The following ARHGAP24 variants were observed in gnomAD, a reference collection of about 807,000 sequenced individuals.
ARHGAP24 encodes Rho GTPase activating protein 24, also known as rho GTPase-activating protein 24.
A neutral mutation model predicts 76.4 loss-of-function variants in ARHGAP24; 50 were observed. That is an observed-to-expected ratio of 0.65 (90% confidence interval 0.52 to 0.83). The LOEUF (loss-of-function observed/expected upper bound fraction) is 0.83, where lower values mean the gene tolerates loss of function less well. Among genes scored for constraint, ARHGAP24 ranks in the 40% least tolerant of loss-of-function variants. The pLI is 0.00. For synonymous variants in ARHGAP24, 345 were observed against 323.3 expected, an observed-to-expected ratio of 1.07 and a Z score of -0.72; for missense variants, 930 against 914.2, an observed-to-expected ratio of 1.02 and a Z score of -0.22.
chr4:85,946,792 A>G (rs966765473), intron 5 of ARHGAP24, among the ~76,000 whole-genome samples: 4 of 152,210 alleles, frequency 2.6e-5, no homozygotes, highest in Non-Finnish European at 5.9e-5. Flanking sequence ...AAATGAACAT[A>G]TAGGTGTATG....
intron 5 of ARHGAP24, among the ~76,000 whole-genome samples, chr4:85,944,706 C>T (rs796495373): frequency 5.9e-5 from 9 of 152,268 alleles, no homozygotes; most frequent in South Asian, 2.1e-4. Flanking sequence ...AAGCCCAACG[C>T]GTGACCGTGG....
intron 5 of ARHGAP24, among the ~76,000 whole-genome samples, chr4:85,960,721 T>A (rs1308165910): frequency 6.6e-6 from 1 of 152,148 alleles, no homozygotes; most frequent in East Asian, 1.9e-4. Context: ...TTGAAAATTA[T>A]CATGTTGCAA....
chr4:85,556,805 G>C (rs1726393525), intron 1 of ARHGAP24, among the ~76,000 whole-genome samples: 2 of 152,192 alleles, frequency 1.3e-5, no homozygotes, highest in African/African-American at 4.8e-5. Context: ...ATAGGAGCAA[G>C]GGCTGCAGGA....
At chr4:85,638,159 G>A (rs749991090) in intron 2 of ARHGAP24, among the ~76,000 whole-genome samples, 1 of 152,092 alleles carries the variant, frequency 6.6e-6, no homozygotes, top group Admixed American at 6.6e-5. Context: ...CTGTACGTCA[G>A]CCCTGATTTA....
At chr4:85,895,898 G>A (rs1334286552) in intron 3 of ARHGAP24, among the ~76,000 whole-genome samples, 1 of 152,170 alleles carries the variant, frequency 6.6e-6, no homozygotes, top group Non-Finnish European at 1.5e-5. Flanking sequence ...AAACCTGTCT[G>A]AAAGATTTAT....
At chr4:85,846,148 G>C (rs1307978883) in intron 3 of ARHGAP24, among the ~76,000 whole-genome samples, 6 of 151,908 alleles carry the variant, frequency 3.9e-5, no homozygotes. Flanking sequence ...CAGGTGATCC[G>C]CCCGCCTCGG....
chr4:85,666,602 A>C (rs1309515372), intron 2 of ARHGAP24, among the ~76,000 whole-genome samples: 1 of 152,050 alleles, frequency 6.6e-6, no homozygotes, highest in Non-Finnish European at 1.5e-5. Flanking sequence ...TTTTCTGCTC[A>C]GTTTTTTCCC....
At chr4:85,641,025 A>T (rs116357523) in intron 2 of ARHGAP24, among the ~76,000 whole-genome samples, 3,794 of 152,196 alleles carry the variant, frequency 0.025, 152 homozygotes, top group African/African-American at 0.084. Context: ...AAATTTACTT[A>T]AGTTATTAAA....
At chr4:85,496,708 G>A (rs1723598003) in intron 1 of ARHGAP24, among the ~76,000 whole-genome samples, 1 of 152,162 alleles carries the variant, frequency 6.6e-6, no homozygotes, top group East Asian at 1.9e-4. Flanking sequence ...CAGAGTCTTA[G>A]GTGCCCCATA....
chr4:85,974,078 G>A lies in ARHGAP24; in HGVS notation c.733-810G>A, dbSNP rs192295720. ...TCACCTTGTTAGCCAGGATGGTCTC[G>A]ATCTCCTGACCCCGTGATCCACCTA... On this transcript the variant is annotated intron_variant, in intron 6 of 9. Coordinates refer to ENST00000395184, the MANE Select transcript of ARHGAP24 (RefSeq NM_001025616.3). Among the ~76,000 whole-genome samples, 213 of 147,766 alleles carry A rather than the reference G, an allele frequency of 1.4e-3. 1 individual carries two copies. The highest frequency in any genetic ancestry group is 0.011 in the Middle Eastern group (3 of 272).
intron 1 of ARHGAP24, among the ~76,000 whole-genome samples, chr4:85,548,645 A>T (rs1156950202): frequency 6.6e-6 from 1 of 152,210 alleles, no homozygotes; most frequent in African/African-American, 2.4e-5. Context: ...ACTAACTAGA[A>T]TTCAACTTTT....
chr4:85,759,003 A>G (rs1463263278), intron 3 of ARHGAP24, among the ~76,000 whole-genome samples: 1 of 152,210 alleles, frequency 6.6e-6, no homozygotes, highest in Non-Finnish European at 1.5e-5. Context: ...GACAGCATGA[A>G]CTGTATAACT....
chr4:85,591,277 C>T (rs776181877), intron 2 of ARHGAP24, among the ~76,000 whole-genome samples: 4 of 152,012 alleles, frequency 2.6e-5, no homozygotes, highest in Non-Finnish European at 5.9e-5. Flanking sequence ...AACTCTTGAC[C>T]TCAGGTGATC....
intron 3 of ARHGAP24, among the ~76,000 whole-genome samples, chr4:85,724,002 G>A (rs1725060846): frequency 6.6e-6 from 1 of 152,150 alleles, no homozygotes; most frequent in Non-Finnish European, 1.5e-5. Context: ...TTTCAATGGT[G>A]TAATTGTTTA....
rs1187661687 is a variant in ARHGAP24 at position 85,644,896 on chromosome 4, T to C, written c.180+74175T>C. Among the ~76,000 whole-genome samples the C allele has an allele frequency of 2.6e-5, 4 of 152,102 alleles. No individual in the cohort carries two copies. In the South Asian group the frequency reaches 8.3e-4, roughly 31 times the overall value. On this transcript the variant is annotated intron_variant, in intron 2 of 9. Transcript: ENST00000395184. ...TTGTCATAGTTCAGTCTGACAGATATGTGCTTCTAAACTATAGATGATGGC... is the reference window on the plus strand; with the variant it reads ...TTGTCATAGTTCAGTCTGACAGATACGTGCTTCTAAACTATAGATGATGGC...
intron 3 of ARHGAP24, among the ~76,000 whole-genome samples, chr4:85,734,182 A>G (rs902026040): frequency 3.3e-5 from 5 of 152,202 alleles, no homozygotes; most frequent in African/African-American, 1.2e-4. Flanking sequence ...AATAAAAATG[A>G]GGGCTGCCCA....
intron 3 of ARHGAP24, among the ~76,000 whole-genome samples, chr4:85,795,452 T>G (rs941793472): frequency 6.6e-6 from 1 of 152,194 alleles, no homozygotes; most frequent in Non-Finnish European, 1.5e-5. Context: ...GATCTGACTT[T>G]AGTGGCAAAT....
chr4:85,597,668 C>T (rs552017987), intron 2 of ARHGAP24, among the ~76,000 whole-genome samples: 1 of 151,446 alleles, frequency 6.6e-6, no homozygotes, highest in African/African-American at 2.4e-5. Flanking sequence ...ATTTGGGAGA[C>T]ATTAAATAAA....
intron 4 of ARHGAP24, among the ~76,000 whole-genome samples, chr4:85,932,039 T>C (rs1736364745): frequency 6.6e-6 from 1 of 152,208 alleles, no homozygotes. Flanking sequence ...GGGAACTTTT[T>C]TTTTAAGGAA....
Sources: gnomAD v4.1 joint callset for allele counts (sites outside exome capture counted in the v4.1 genomes callset) on GRCh38, gnomAD v4.1.1 for gene constraint, MANE v1.5 for transcripts, NCBI Gene and HGNC (gene_info 2026-07-23, HGNC 2026-07-21) for gene names.